Variants in ATP6V0A1 observed in about 807,000 individuals in gnomAD.
ATP6V0A1 encodes V-type proton ATPase 116 kDa subunit a 1.
ATP6V0A1 carries 43 observed loss-of-function variants against 105.4 expected under a neutral mutation model. The ratio of observed to expected loss-of-function variants is 0.41; its 90% CI spans 0.32 to 0.53. ATP6V0A1 has a LOEUF of 0.53. Ranked by LOEUF, ATP6V0A1 falls within the 20% of genes least tolerant of loss-of-function variation. The pLI is 0.30. For missense variants in ATP6V0A1, 676 were observed against 1,051.1 expected (o/e 0.64, Z 4.93); for synonymous variants, 362 against 372.8 (o/e 0.97, Z 0.33).
intron 21 of ATP6V0A1, chr17:42,520,121 C>G: frequency 4.0e-6 from 1 of 248,538 alleles, no homozygotes; most frequent in Non-Finnish European, 8.0e-6. Context: ...CCCCAGCCCC[C>G]ACGCCTGCCT....
At chr17:42,490,370 A>C (rs2090511689) in intron 10 of ATP6V0A1, 117 bp from the exon 11 acceptor site, 1 of 904,076 alleles carries the variant, frequency 1.1e-6, no homozygotes, top group African/African-American at 1.7e-5. Context: ...TACATGAAAG[A>C]AAATACATAC....
chr17:42,489,061 T>C (rs2090385355), intron 10 of ATP6V0A1, among the ~76,000 whole-genome samples: 1 of 148,736 alleles, frequency 6.7e-6, no homozygotes, highest in Non-Finnish European at 1.5e-5. Context: ...ATCAAAGCAG[T>C]TTTTTTGTTT....
chr17:42,493,613 T>C (rs2090878249), intron 11 of ATP6V0A1, among the ~76,000 whole-genome samples: 1 of 151,996 alleles, frequency 6.6e-6, no homozygotes, highest in African/African-American at 2.4e-5. Flanking sequence ...TTGGGCAAAA[T>C]AGTGAGATTC....
intron 11 of ATP6V0A1, 56 bp downstream of exon 11, chr17:42,490,693 GTTTGGTTTGT>G: frequency 6.5e-7 from 1 of 1,532,338 alleles, no homozygotes; most frequent in Non-Finnish European, 8.8e-7. Flanking sequence ...TGTTTGGTTG[GTTTGGTTTGT>G]TTTGAGACAG....
rs755373315 is a variant in ATP6V0A1, at chr17:42,521,135, C to T, written c.*15C>T. 13 of 1,590,150 alleles carry T rather than the reference C, an allele frequency of 8.2e-6. No individual in the cohort carries two copies. In the East Asian group the frequency reaches 2.1e-4, roughly 25 times the overall value. On this transcript the variant is annotated 3_prime_UTR_variant, in exon 22 of 22. Coordinates refer to ENST00000343619, the MANE Select transcript of ATP6V0A1 (RefSeq NM_001130021.3). This position sits in a 1 kb window ranked among gnomAD's most constrained non-coding sequence, Gnocchi z 4.8. ...TTGAAGAGTGAGTCCCTGTGAGGGC[C>T]GTGTGCCCCATGCTACCCTCCCCGC... is the stretch of plus-strand genomic sequence containing the variant.
At position 42,495,704 on chromosome 17, in the gene ATP6V0A1, T is replaced by C. The variant is rs553392627; in HGVS notation, c.1548T>C (p.Phe516=). Residue 516 remains phenylalanine, a synonymous_variant, in exon 14 of 22, where the codon TTT becomes TTC. Coordinates refer to ENST00000343619, the MANE Select transcript of ATP6V0A1 (RefSeq NM_001130021.3). ...GAGTGTTTGGTGGACCATACCCTTTTGGCATTGATCCAGTAAGAGGACTTC... is the reference window on the plus strand; with the variant it reads ...GAGTGTTTGGTGGACCATACCCTTTCGGCATTGATCCAGTAAGAGGACTTC... The part of the protein sequence containing the change: ...LPGVFGGPYP[F]GIDPIWNIAT... 19 of 1,613,488 alleles carry C rather than the reference T, an allele frequency of 1.2e-5. No individual in the cohort carries two copies. In the South Asian group the frequency reaches 1.2e-4, roughly 10 times the overall value.
intron 2 of ATP6V0A1, among the ~76,000 whole-genome samples, chr17:42,463,333 G>A (rs1270180089): frequency 2.6e-5 from 4 of 151,994 alleles, no homozygotes. Context: ...GTCCAGAAAA[G>A]TATCTGTGTC....
chr17:42,480,124 C>T (rs1280412358), intron 7 of ATP6V0A1: 1 of 152,170 alleles, frequency 6.6e-6, no homozygotes, highest in Non-Finnish European at 1.5e-5. Flanking sequence ...CTGATCTTTC[C>T]TTCCAGTCCT....
chr17:42,506,640 C>T (rs2092042191), intron 17 of ATP6V0A1, among the ~76,000 whole-genome samples: 1 of 152,240 alleles, frequency 6.6e-6, no homozygotes, highest in Non-Finnish European at 1.5e-5. Flanking sequence ...AATTCCTTTT[C>T]ACGCTGTGGC....
At chr17:42,510,367 G>A (rs2092292509) in intron 19 of ATP6V0A1, 1 of 152,324 alleles carries the variant, frequency 6.6e-6, no homozygotes, top group Non-Finnish European at 1.5e-5. Context: ...TGCTGTAATA[G>A]AAGTGTGCCC....
At chr17:42,491,412 G>A (rs2090611773) in intron 11 of ATP6V0A1, among the ~76,000 whole-genome samples, 1 of 152,110 alleles carries the variant, frequency 6.6e-6, no homozygotes, top group Non-Finnish European at 1.5e-5. Flanking sequence ...CCAGGTTCAC[G>A]CCATTCTTCT....
intron 4 of ATP6V0A1, among the ~76,000 whole-genome samples, 160 bp from the exon 5 acceptor site, chr17:42,469,930 A>G (rs562670251): frequency 2.0e-5 from 3 of 152,336 alleles, no homozygotes; most frequent in Non-Finnish European, 4.4e-5. Flanking sequence ...AAAAATTTCC[A>G]TAAAGAAAAT....
chr17:42,468,757 G>A (rs887931251), intron 4 of ATP6V0A1, among the ~76,000 whole-genome samples: 2 of 151,960 alleles, frequency 1.3e-5, no homozygotes, highest in African/African-American at 4.8e-5. Context: ...CCTCTTTTAT[G>A]GTGACAAACA....
intron 5 of ATP6V0A1, 49 bp downstream of exon 5, chr17:42,470,267 C>T: frequency 6.3e-7 from 1 of 1,588,944 alleles, no homozygotes; most frequent in South Asian, 1.1e-5. Flanking sequence ...ATTATACTCA[C>T]ACAAGTGGGC....
chr17:42,491,195 C>A (rs2090589890), intron 11 of ATP6V0A1, among the ~76,000 whole-genome samples: 1 of 152,086 alleles, frequency 6.6e-6, no homozygotes, highest in Non-Finnish European at 1.5e-5. Flanking sequence ...CAGGTGTGAC[C>A]CACTATGCCT....
chr17:42,470,145 C>T lies in ATP6V0A1; in HGVS notation c.350C>T (p.Ala117Val). The T allele has an allele frequency of 6.2e-7, 1 of 1,611,692 alleles. No homozygotes were observed. Among genetic ancestry groups the T allele is most frequent in the Non-Finnish European group, 8.5e-7 (1 of 1,178,552 alleles). ...AAGGAAATCAACACAAACCAGGAAG[C>T]TCTGAAGAGAAACTTCCTGGAACTG... ...ELKEINTNQE[A>V]LKRNFLELTE... The change falls in exon 5 of 22, where the codon GCT becomes GTT. Residue 117 changes from alanine to valine, a missense_variant. Ala to Val is a moderately conservative substitution (Grantham distance 64, BLOSUM62 0). This residue lies in a region of ATP6V0A1 where 239 missense variants were observed against 388.4 expected (regional missense o/e 0.62). Coordinates refer to ENST00000343619, the MANE Select transcript of ATP6V0A1 (RefSeq NM_001130021.3).
In ATP6V0A1 at chr17:42,495,862, G is replaced by A. The variant is rs1598953592; in HGVS notation, c.1560+146G>A. 32 of 654,066 alleles carry A rather than the reference G, an allele frequency of 4.9e-5. No homozygotes were observed. The East Asian group carries it at 9.0e-4, about 18-fold the overall frequency. The allele number at this position is 654,066 out of a possible 1,614,324, so 40.5% of individuals were successfully genotyped here. On this transcript the variant is annotated intron_variant, in intron 14 of 21. Transcript: ENST00000343619. ...TGTAATCCCAGCACTTTGGGAGGCC[G>A]AGGAGGTGGGATCACCTGAGGTCAG...
chr17:42,468,002 C>T lies in ATP6V0A1; in HGVS notation c.197-8C>T. ...TTAGACATGAATGTTTTGATTCTGT[C>T]ATTTTAGGATTTGTTGAGAAAGAGA... On this transcript the variant is annotated splice_region_variant and splice_polypyrimidine_tract_variant and intron_variant, in intron 3 of 21. Transcript: ENST00000343619. 1 of 1,588,286 alleles carries T rather than the reference C, an allele frequency of 6.3e-7. No homozygotes were observed. Among genetic ancestry groups the T allele is most frequent in the Non-Finnish European group, 8.6e-7 (1 of 1,163,954 alleles).
At chr17:42,511,702 C>G (rs1026755752) in intron 19 of ATP6V0A1, among the ~76,000 whole-genome samples, 1 of 152,178 alleles carries the variant, frequency 6.6e-6, no homozygotes, top group Non-Finnish European at 1.5e-5. Flanking sequence ...GGCGCGGGGG[C>G]TCACGCCTGT....
Sources: allele counts gnomAD v4.1 joint callset (sites outside exome capture counted in the v4.1 genomes callset), GRCh38; gene constraint gnomAD v4.1.1; regional missense constraint gnomAD v4.1.1; non-coding constraint Gnocchi (gnomAD v3.1); transcripts MANE v1.5; gene names NCBI Gene and HGNC (gene_info 2026-07-23, HGNC 2026-07-21).